The following BRINP3 variants were observed in gnomAD, a reference collection of about 807,000 sequenced individuals.
BRINP3 encodes BMP/retinoic acid-inducible neural-specific protein 3.
A neutral mutation model predicts 71.0 loss-of-function variants in BRINP3; 19 were observed. That is an observed-to-expected ratio of 0.27 (90% CI 0.19 to 0.39). The LOEUF is 0.39. BRINP3 is among the 10% of genes least tolerant of loss of function. The pLI, the probability that BRINP3 is intolerant of heterozygous loss-of-function variation, is 1.00. For missense variants in BRINP3, 959 were observed against 940.8 expected, an observed-to-expected ratio of 1.02 and a Z score of -0.25; for synonymous variants, 380 against 337.7, an observed-to-expected ratio of 1.13 and a Z score of -1.37.
intron 7 of BRINP3, among the ~76,000 whole-genome samples, chr1:190,110,239 A>C (rs1418171477): frequency 6.6e-6 from 1 of 152,320 alleles, no homozygotes; most frequent in Admixed American, 6.5e-5. Context: ...GTTACAGGAC[A>C]GTCTGTCTAG....
intron 7 of BRINP3, among the ~76,000 whole-genome samples, chr1:190,111,206 A>AAAAAAAC (rs1311949838): frequency 1.4e-5 from 2 of 142,046 alleles, no homozygotes; most frequent in African/African-American, 6.1e-5. Context: ...AAAAAAAAAA[A>AAAAAAAC]AACTTTAGAA....
At chr1:190,177,543 C>T (rs1464399049) in intron 6 of BRINP3, among the ~76,000 whole-genome samples, 3 of 151,586 alleles carry the variant, frequency 2.0e-5, no homozygotes, top group Middle Eastern at 6.8e-3. Context: ...GTAGTGATAA[C>T]AAATCTAAAT....
chr1:190,366,368 G>A (rs553118980), intron 2 of BRINP3, among the ~76,000 whole-genome samples: 18 of 152,176 alleles, frequency 1.2e-4, no homozygotes, highest in Middle Eastern at 6.8e-3. Flanking sequence ...TCACTCACTA[G>A]CACAAAAACA....
At chr1:190,462,438 T>C (rs779133260) in intron 1 of BRINP3, among the ~76,000 whole-genome samples, 3 of 151,906 alleles carry the variant, frequency 2.0e-5, no homozygotes, top group Non-Finnish European at 2.9e-5. Flanking sequence ...AAAATCCCCC[T>C]CTAATTGAGG....
At chr1:190,195,792 CTG>C (rs984388996) in intron 6 of BRINP3, among the ~76,000 whole-genome samples, 1 of 151,916 alleles carries the variant, frequency 6.6e-6, no homozygotes, top group African/African-American at 2.4e-5. Context: ...TTACTGAACT[CTG>C]TATTTTCTTC....
chr1:190,236,430 ACAAT>A (rs1354117590), intron 4 of BRINP3, among the ~76,000 whole-genome samples: 1 of 152,020 alleles, frequency 6.6e-6, no homozygotes, highest in East Asian at 1.9e-4. Flanking sequence ...CTTAGAGGCG[ACAAT>A]CAATGATGGA....
intron 2 of BRINP3, among the ~76,000 whole-genome samples, chr1:190,372,757 G>T (rs1182207837): frequency 1.3e-5 from 2 of 152,212 alleles, no homozygotes; most frequent in Non-Finnish European, 2.9e-5. Context: ...CAGTTGTAAA[G>T]AACAGATAAT....
intron 3 of BRINP3, among the ~76,000 whole-genome samples, chr1:190,267,699 T>C (rs1661778167): frequency 6.6e-6 from 1 of 151,948 alleles, no homozygotes; most frequent in South Asian, 2.1e-4. Flanking sequence ...AAAAGAAAAT[T>C]ACATAACGAA....
chr1:190,461,420 G>A (rs1309715780), intron 1 of BRINP3, among the ~76,000 whole-genome samples: 2 of 152,072 alleles, frequency 1.3e-5, no homozygotes, highest in Non-Finnish European at 2.9e-5. Flanking sequence ...CTACAAAGTT[G>A]GTTGGTCATT....
intron 1 of BRINP3, among the ~76,000 whole-genome samples, chr1:190,456,749 C>G (rs965295726): frequency 6.6e-6 from 1 of 151,748 alleles, no homozygotes; most frequent in Admixed American, 6.6e-5. Flanking sequence ...TTTAAACGGG[C>G]AAAATTTAAT....
At chr1:190,196,534 C>T (rs1014323219) in intron 6 of BRINP3, among the ~76,000 whole-genome samples, 1 of 151,964 alleles carries the variant, frequency 6.6e-6, no homozygotes, top group Non-Finnish European at 1.5e-5. Flanking sequence ...AAGAGAGAAG[C>T]ACATATCTAG....
At chr1:190,290,533 G>T (rs1663780320) in intron 2 of BRINP3, among the ~76,000 whole-genome samples, 1 of 152,048 alleles carries the variant, frequency 6.6e-6, no homozygotes, top group African/African-American at 2.4e-5. Context: ...TCACTGATTA[G>T]CAGTCAATAA....
At chr1:190,376,594 T>C (rs187174846) in intron 2 of BRINP3, among the ~76,000 whole-genome samples, 1 of 152,056 alleles carries the variant, frequency 6.6e-6, no homozygotes, top group African/African-American at 2.4e-5. Flanking sequence ...AAACAGAGAA[T>C]TACAAGTAAT....
intron 1 of BRINP3, among the ~76,000 whole-genome samples, chr1:190,458,834 A>T (rs1010573439): frequency 1.3e-5 from 2 of 151,972 alleles, no homozygotes; most frequent in African/African-American, 4.8e-5. Flanking sequence ...ATAGTCCAGA[A>T]TTTAATATTC....
intron 2 of BRINP3, among the ~76,000 whole-genome samples, chr1:190,370,190 A>G (rs1047305942): frequency 4.6e-5 from 7 of 152,182 alleles, no homozygotes; most frequent in Non-Finnish European, 8.8e-5. Context: ...CACAAGCACA[A>G]TTTTGTAAGC....
chr1:190,428,487 C>T (rs1673874070), intron 2 of BRINP3, among the ~76,000 whole-genome samples: 2 of 151,746 alleles, frequency 1.3e-5, no homozygotes, highest in Non-Finnish European at 2.9e-5. Context: ...TTGTCTTATT[C>T]TCTACCTGTT....
At chr1:190,166,254 G>C (rs558131742) in intron 6 of BRINP3, among the ~76,000 whole-genome samples, 2 of 152,090 alleles carry the variant, frequency 1.3e-5, no homozygotes, top group Non-Finnish European at 2.9e-5. Context: ...GGTACATAAG[G>C]GTATAAATCA....
chr1:190,187,879 G>A (rs970971950), intron 6 of BRINP3, among the ~76,000 whole-genome samples: 13 of 145,558 alleles, frequency 8.9e-5, no homozygotes, highest in South Asian at 4.3e-4. Flanking sequence ...TTGCAGTATC[G>A]TTCAAATTTC....
intron 6 of BRINP3, among the ~76,000 whole-genome samples, chr1:190,196,272 G>GTTTT (rs1352910156): frequency 3.9e-5 from 6 of 152,068 alleles, no homozygotes; most frequent in African/African-American, 1.4e-4. Context: ...TGCATTTGGA[G>GTTTT]TACAATCATT....
Sources: allele counts gnomAD v4.1 joint callset (sites outside exome capture counted in the v4.1 genomes callset), GRCh38; gene constraint gnomAD v4.1.1; transcripts MANE v1.5; gene names NCBI Gene and HGNC (gene_info 2026-07-23, HGNC 2026-07-21).